The following GRIP1 variants were observed in gnomAD, a reference collection of about 807,000 sequenced individuals.
GRIP1 encodes glutamate receptor-interacting protein 1.
GRIP1 carries 45 observed loss-of-function variants against 129.9 expected under a neutral mutation model. That is an observed-to-expected ratio of 0.35 (90% CI 0.27 to 0.44). GRIP1 has a LOEUF of 0.44. Ranked by LOEUF, GRIP1 falls within the 20% of genes least tolerant of loss-of-function variation. The probability of loss-of-function intolerance (pLI) is 1.00; values close to 1 mark genes in which losing one functional copy is unlikely to be tolerated. For synonymous variants in GRIP1, 530 were observed against 520.8 expected (o/e 1.02, Z -0.24); for missense variants, 1,196 against 1,396.8 (o/e 0.86, Z 2.29).
intron 1 of GRIP1, among the ~76,000 whole-genome samples, chr12:66,838,115 G>A (rs915430645): frequency 1.3e-5 from 2 of 151,316 alleles, no homozygotes; most frequent in African/African-American, 4.9e-5. Context: ...GAACCCGGAA[G>A]GCAGGGTTGC....
chr12:66,741,348 T>C (rs2136557389), intron 1 of GRIP1, among the ~76,000 whole-genome samples: 1 of 152,286 alleles, frequency 6.6e-6, no homozygotes, highest in Non-Finnish European at 1.5e-5. Flanking sequence ...CTCCACCTCC[T>C]ACATTAAAAA....
intron 1 of GRIP1, among the ~76,000 whole-genome samples, chr12:66,732,730 TTA>T (rs368239993): frequency 8.7e-4 from 132 of 152,274 alleles, no homozygotes; most frequent in African/African-American, 3.1e-3. Flanking sequence ...ACTATTGATG[TTA>T]TCAGTAAGGC....
At position 66,425,848 on chromosome 12, in the gene GRIP1, G is replaced by T. The variant is rs571396450; in HGVS notation, c.1769-5059C>A. Among the ~76,000 whole-genome samples the T allele has an allele frequency of 5.3e-5, 8 of 152,254 alleles. No homozygotes were observed. In the East Asian group the frequency reaches 1.4e-3, roughly 26 times the overall value. ...GGGGTGGGGGAAGGGGGGAGGGATA[G>T]CATTAGGAGATATACCTAATGCTAA... On this transcript the variant is annotated intron_variant, in intron 14 of 24. Transcript: ENST00000359742.
At chr12:66,896,484 A>AAAAAAAAAAAAC (rs2040750525) in intron 1 of GRIP1, among the ~76,000 whole-genome samples, 1 of 151,254 alleles carries the variant, frequency 6.6e-6, no homozygotes, top group Non-Finnish European at 1.5e-5. Context: ...GAATTTGAAA[A>AAAAAAAAAAAAC]AAAAAAAAAA....
At chr12:66,935,165 T>C (rs566128933) in intron 1 of GRIP1, among the ~76,000 whole-genome samples, 11 of 152,352 alleles carry the variant, frequency 7.2e-5, no homozygotes, top group African/African-American at 2.6e-4. Context: ...AGTTGCTATA[T>C]TCCTATCTCT....
chr12:66,687,555 C>T (rs1046175531), intron 1 of GRIP1, among the ~76,000 whole-genome samples: 3 of 152,082 alleles, frequency 2.0e-5, no homozygotes, highest in Admixed American at 1.3e-4. Flanking sequence ...AAATACAATT[C>T]CTTTGCTGGA....
chr12:66,479,404 T>A (rs1307578738), intron 7 of GRIP1, among the ~76,000 whole-genome samples: 1 of 152,034 alleles, frequency 6.6e-6, no homozygotes, highest in African/African-American at 2.4e-5. Flanking sequence ...CAATAACAAG[T>A]TCTGAAATTG....
chr12:66,431,835 A>C (rs1222819933), intron 14 of GRIP1, among the ~76,000 whole-genome samples: 1 of 152,214 alleles, frequency 6.6e-6, no homozygotes, highest in Non-Finnish European at 1.5e-5. Context: ...TGTTTTTACC[A>C]AAGCAGTTAT....
chr12:66,578,063 C>A (rs1484707166), intron 2 of GRIP1, among the ~76,000 whole-genome samples: 1 of 152,034 alleles, frequency 6.6e-6, no homozygotes, highest in Non-Finnish European at 1.5e-5. Context: ...TGCAGAGCAA[C>A]TTGAAACAGG....
At chr12:66,570,294 T>C (rs1303484659) in intron 2 of GRIP1, among the ~76,000 whole-genome samples, 2 of 152,066 alleles carry the variant, frequency 1.3e-5, no homozygotes, top group Non-Finnish European at 2.9e-5. Context: ...ATTTTTAAAA[T>C]TTTTGTACAG....
chr12:66,473,706 T>C (rs940869189), intron 7 of GRIP1, among the ~76,000 whole-genome samples: 4 of 152,152 alleles, frequency 2.6e-5, no homozygotes, highest in African/African-American at 9.7e-5. Context: ...GCAGTGGACA[T>C]CCAGCAAACT....
chr12:66,654,358 T>C (rs1197296371), intron 1 of GRIP1, among the ~76,000 whole-genome samples: 2 of 152,094 alleles, frequency 1.3e-5, no homozygotes, highest in African/African-American at 4.8e-5. Flanking sequence ...AAAACAAATA[T>C]AGGTCAAGTC....
chr12:66,962,117 A>T (rs1389538751), intron 1 of GRIP1, among the ~76,000 whole-genome samples: 1 of 152,174 alleles, frequency 6.6e-6, no homozygotes, highest in African/African-American at 2.4e-5. Flanking sequence ...TTGGGATATT[A>T]AAATCTTTCT....
At chr12:66,569,664 A>G (rs1252918518) in intron 2 of GRIP1, among the ~76,000 whole-genome samples, 1 of 152,128 alleles carries the variant, frequency 6.6e-6, no homozygotes, top group Non-Finnish European at 1.5e-5. Context: ...CCAGACCCTC[A>G]GGGTGTACTC....
intron 13 of GRIP1, 150 bp from the exon 14 acceptor site, chr12:66,432,778 A>G: frequency 1.6e-6 from 1 of 627,310 alleles, no homozygotes; most frequent in Non-Finnish European, 2.8e-6. Context: ...AAATCCTAGT[A>G]AATTAAGCTC....
Position 66,456,181 on chromosome 12 carries a change from C to T in GRIP1, c.1198+6G>A, listed in dbSNP as rs1250801269. ...AAGACCAGGAGGAGAAAGCATGGAA[C>T]ATTACGAGGGCTGTTTGGAGGAGGT... On this transcript the variant is annotated splice_donor_region_variant and intron_variant, in intron 10 of 24. Transcript: ENST00000359742. The T allele has an allele frequency of 1.6e-6, 2 of 1,284,618 alleles. No individual in the cohort carries two copies. The highest frequency in any genetic ancestry group is 1.2e-5 in the South Asian group (1 of 80,890). The allele number at this position is 1,284,618 out of a possible 1,614,324, so 79.6% of individuals were successfully genotyped here.
At chr12:67,017,694 A>G (rs866027924) in intron 1 of GRIP1, among the ~76,000 whole-genome samples, 9 of 152,040 alleles carry the variant, frequency 5.9e-5, no homozygotes, top group African/African-American at 2.2e-4. Flanking sequence ...CTAGCCCTTA[A>G]GAGGCTAGGA....
chr12:67,049,916 A>G (rs1248901486), intron 1 of GRIP1, among the ~76,000 whole-genome samples: 4 of 151,738 alleles, frequency 2.6e-5, no homozygotes, highest in African/African-American at 9.7e-5. Context: ...TTGGTAAAAA[A>G]AAGTTGTTTT....
At chr12:66,710,696 CAAAG>C (rs1414445028) in intron 1 of GRIP1, among the ~76,000 whole-genome samples, 1 of 151,848 alleles carries the variant, frequency 6.6e-6, no homozygotes, top group Non-Finnish European at 1.5e-5. Context: ...TTTATGATTA[CAAAG>C]AATCTTAACA....
Sources: allele counts gnomAD v4.1 joint callset (sites outside exome capture counted in the v4.1 genomes callset), GRCh38; gene constraint gnomAD v4.1.1; transcripts MANE v1.5; gene names NCBI Gene and HGNC (gene_info 2026-07-23, HGNC 2026-07-21).